ING5: variants seen among roughly 807,000 people sequenced by gnomAD.
ING5 encodes inhibitor of growth protein 5.
Under a neutral mutation model 37.4 loss-of-function variants are expected in ING5, and 17 were observed. The ratio of observed to expected loss-of-function variants is 0.45; its 90% CI spans 0.31 to 0.68. The LOEUF (loss-of-function observed/expected upper bound fraction) is 0.68. Among genes scored for constraint, ING5 ranks in the 30% least tolerant of loss-of-function variants. ING5 has a pLI of 0.05. For missense variants in ING5, 233 were observed against 311.9 expected (o/e 0.75, Z 1.91); for synonymous variants, 123 against 116.6 (o/e 1.06, Z -0.36).
At chr2:241,687,256 C>G in exon 1 of ING5, 2 of 397,786 alleles carry the variant, frequency 5.0e-6, no homozygotes, top group Non-Finnish European at 8.9e-6. Context: ...CGTGAGGGCT[C>G]CGGTCACGCG....
rs547265610 is a variant in ING5, at chr2:241,706,155, C to T, written c.109+1431C>T. Among the ~76,000 whole-genome samples the T allele has an allele frequency of 6.6e-5, 10 of 152,234 alleles. 1 individual carries two copies. The South Asian group carries it at 2.1e-3, about 32-fold the overall frequency. On this transcript the variant is annotated intron_variant, in intron 2 of 7. Coordinates refer to ENST00000313552, the MANE Select transcript of ING5 (RefSeq NM_032329.6). The stretch of plus-strand genomic sequence containing the variant: ...GCCCTCTGTCCTGGAGGCCACAGTC[C>T]TGATTGTTTCCATGCCAACTGCACA...
intron 5 of ING5, chr2:241,721,105 G>A (rs987400666): frequency 2.0e-6 from 2 of 985,530 alleles, no homozygotes; most frequent in South Asian, 4.7e-5. Context: ...GAGGGCGTCA[G>A]CGTTTCGGGG....
intron 5 of ING5, among the ~76,000 whole-genome samples, chr2:241,713,369 T>TG (rs1321628644): frequency 7.3e-6 from 1 of 137,186 alleles, no homozygotes; most frequent in Admixed American, 7.3e-5. Flanking sequence ...AATTTTCAGT[T>TG]TTTTTTTTTT....
chr2:241,713,569 C>T (rs1403938213), intron 5 of ING5, among the ~76,000 whole-genome samples: 2 of 151,176 alleles, frequency 1.3e-5, no homozygotes, highest in Non-Finnish European at 3.0e-5. Context: ...GATGAGGTTT[C>T]ACCTTGTTAG....
intron 2 of ING5, among the ~76,000 whole-genome samples, chr2:241,706,201 C>G (rs1014225302): frequency 6.6e-6 from 1 of 152,108 alleles, no homozygotes; most frequent in Non-Finnish European, 1.5e-5. Flanking sequence ...TGAGGTTTTC[C>G]TGGGATCTCC....
chr2:241,712,088 T>C lies in ING5; in HGVS notation c.482+17T>C. The C allele has an allele frequency of 1.9e-6, 3 of 1,564,354 alleles. No homozygotes were observed. Among genetic ancestry groups the C allele is most frequent in the Non-Finnish European group, 2.6e-6 (3 of 1,152,164 alleles). On this transcript the variant is annotated intron_variant, in intron 5 of 7. Coordinates refer to ENST00000313552, the MANE Select transcript of ING5 (RefSeq NM_032329.6). The stretch of plus-strand genomic sequence containing the variant: ...CAAAGGAGGGTAAGAGGCTTTCCCC[T>C]CTTTTTCCCAAAAGAACGAATACCC...
At chr2:241,720,432 T>C in intron 5 of ING5, 1 of 1,084,000 alleles carries the variant, frequency 9.2e-7, no homozygotes, top group Middle Eastern at 4.0e-4. Flanking sequence ...CTTCCTGGAA[T>C]GCAGTGTTCC....
chr2:241,702,745 C>A (rs924322923), intron 1 of ING5, among the ~76,000 whole-genome samples: 1 of 152,226 alleles, frequency 6.6e-6, no homozygotes, highest in African/African-American at 2.4e-5. Context: ...GCTGAGCGGA[C>A]GGTGCTTTCC....
chr2:241,723,283 G>C lies in ING5; in HGVS notation c.680+12G>C. 1 of 1,613,404 alleles carries C rather than the reference G, an allele frequency of 6.2e-7. No homozygotes were observed. Among genetic ancestry groups the C allele is most frequent in the Non-Finnish European group, 8.5e-7 (1 of 1,179,282 alleles). The stretch of plus-strand genomic sequence containing the variant: ...CCCAAAGGAAAATGGTGAGTGTGGG[G>C]ACGCTCGCTCTGTTTTCTCCCAGTC... On this transcript the variant is annotated intron_variant, in intron 7 of 7. Transcript: ENST00000313552.
chr2:241,722,847 G>C, intron 5 of ING5, 92 bp from the exon 6 acceptor site: 1 of 1,570,468 alleles, frequency 6.4e-7, no homozygotes, highest in Non-Finnish European at 8.6e-7. Flanking sequence ...GGGTGAGGGG[G>C]CCTTAAGTCA....
chr2:241,700,642 T>C (rs1241078694), upstream of ING5, among the ~76,000 whole-genome samples: 1 of 151,728 alleles, frequency 6.6e-6, no homozygotes, highest in Non-Finnish European at 1.5e-5. Flanking sequence ...TATTATTATT[T>C]TGAGACGGAG....
intron 7 of ING5, among the ~76,000 whole-genome samples, chr2:241,723,597 G>A (rs566908402): frequency 4.6e-5 from 7 of 152,338 alleles, no homozygotes; most frequent in South Asian, 2.1e-4. Context: ...GGTAGGGATC[G>A]TCTTAAATCA....
At chr2:241,696,021 C>G (rs2069624512) in intron 2 of ING5, among the ~76,000 whole-genome samples, 1 of 152,090 alleles carries the variant, frequency 6.6e-6, no homozygotes, top group African/African-American at 2.4e-5. Context: ...TTGCTTGAGC[C>G]CAGGAGGTCA....
At chr2:241,697,885 C>G (rs138541290), upstream of ING5, among the ~76,000 whole-genome samples, 1 of 151,712 alleles carries the variant, frequency 6.6e-6, no homozygotes, top group African/African-American at 2.4e-5. Flanking sequence ...GAGTTTGAAA[C>G]CAGCCTGGCC....
chr2:241,717,398 C>T (rs574022416), intron 5 of ING5, among the ~76,000 whole-genome samples: 5 of 152,064 alleles, frequency 3.3e-5, no homozygotes, highest in Non-Finnish European at 7.4e-5. Context: ...TATTTATTTT[C>T]TTTCTTTAAA....
chr2:241,728,128 T>C lies in ING5; in HGVS notation c.*3097T>C, dbSNP rs1054421372. The C allele has an allele frequency of 1.2e-4, 19 of 152,274 alleles. No individual in the cohort carries two copies. Among genetic ancestry groups the C allele is most frequent in the Non-Finnish European group, 2.4e-4 (16 of 68,056 alleles). 9.4% of individuals were successfully genotyped at this position (152,274 alleles called of 1,614,324 possible). A position where few individuals can be genotyped will look rare whatever the true frequency, so the allele number is the denominator to read the frequency against. ...TTGGACCCAACTGAATCCTGAGTGC[T>C]CTGTGGCTGACGCTGTCTACCCGTG... On this transcript the variant is annotated 3_prime_UTR_variant, in exon 8 of 8. Transcript: ENST00000313552.
At position 241,711,501 on chromosome 2, in the gene ING5, AT is replaced by A; in HGVS notation, c.388+21del. On this transcript the variant is annotated intron_variant, in intron 4 of 7. Transcript: ENST00000313552. ...CGAGGGTTAAAAAGCAAGTCTGTTA[AT>A]TTTTTTTCTTTATTTTATTACTGTT... 3.8e-6 allele frequency: 6 copies of A among 1,560,648 alleles called. No homozygotes were observed. The highest frequency in any genetic ancestry group is 2.3e-5 in the South Asian group (2 of 85,826).
upstream of ING5, chr2:241,701,972 G>T: frequency 2.3e-6 from 2 of 860,422 alleles, no homozygotes; most frequent in South Asian, 7.7e-5. Context: ...CAGCGCGCGC[G>T]ACTCATGAAT....
intron 7 of ING5, chr2:241,724,747 T>C (rs1478410444): frequency 1.9e-6 from 1 of 530,542 alleles, no homozygotes; most frequent in Non-Finnish European, 3.3e-6. Flanking sequence ...CGCCTGGGTG[T>C]CAAATCGGTT....
Sources: allele counts gnomAD v4.1 joint callset (sites outside exome capture counted in the v4.1 genomes callset), GRCh38; gene constraint gnomAD v4.1.1; transcripts MANE v1.5; gene names NCBI Gene and HGNC (gene_info 2026-07-23, HGNC 2026-07-21).